The following OR51B5 variants were observed in gnomAD, a reference collection of about 807,000 sequenced individuals.
The protein encoded by OR51B5 is olfactory receptor 51B5.
For missense variants in OR51B5, 456 were observed against 374.6 expected, an observed-to-expected ratio of 1.22 and a Z score of -1.79; for synonymous variants, 186 against 144.8, an observed-to-expected ratio of 1.28 and a Z score of -2.04.
At chr11:5,492,060 C>T (rs1334074990) in intron 1 of OR51B5, among the ~76,000 whole-genome samples, 1 of 152,132 alleles carries the variant, frequency 6.6e-6, no homozygotes, top group Non-Finnish European at 1.5e-5. Flanking sequence ...CCTTTATCCC[C>T]AAGTCTAGCT....
At chr11:5,454,028 G>A (rs1342656358) in intron 1 of OR51B5, 1 of 1,613,914 alleles carries the variant, frequency 6.2e-7, no homozygotes, top group Non-Finnish European at 8.5e-7. Flanking sequence ...CCTACTGCCT[G>A]CACCCAGACA....
chr11:5,358,192 A>G (rs1849223775), intron 1 of OR51B5, among the ~76,000 whole-genome samples: 2 of 152,322 alleles, frequency 1.3e-5, no homozygotes, highest in East Asian at 1.9e-4. Context: ...CAAAAAATCA[A>G]TGAATCCAGA....
intron 1 of OR51B5, among the ~76,000 whole-genome samples, chr11:5,419,037 T>A (rs541445733): frequency 6.6e-6 from 1 of 152,288 alleles, no homozygotes; most frequent in South Asian, 2.1e-4. Flanking sequence ...GAATTCTATA[T>A]CCTAGTATGA....
intron 1 of OR51B5, among the ~76,000 whole-genome samples, chr11:5,447,937 C>A (rs1850792494): frequency 1.3e-5 from 2 of 152,166 alleles, no homozygotes; most frequent in Admixed American, 1.3e-4. Context: ...TCATAGGGAA[C>A]CTCTCTTCTG....
chr11:5,358,986 A>T (rs1589952565), intron 1 of OR51B5, among the ~76,000 whole-genome samples: 2 of 151,868 alleles, frequency 1.3e-5, no homozygotes, highest in African/African-American at 4.8e-5. Context: ...TATTGATGGG[A>T]CGTATCTCAA....
In OR51B5 at chr11:5,404,057, T is replaced by G. The variant is rs529906548; in HGVS notation, n.85-57147A>C. On this transcript the variant is annotated intron_variant and non_coding_transcript_variant, in intron 1 of 4. Transcript: ENST00000415970. Reference sequence around the variant, plus strand: ...TCACCAAGGCCCCAACTTGGAAGTCTTGAAGACTACAAATCTTGTTTATTA... The same window carrying G: ...TCACCAAGGCCCCAACTTGGAAGTCGTGAAGACTACAAATCTTGTTTATTA... 4.7e-4 allele frequency among the ~76,000 whole-genome samples: 72 copies of G among 151,650 alleles called. 3 individuals are homozygous for G. The South Asian group carries it at 0.014, about 29-fold the overall frequency.
At chr11:5,402,586 G>A (rs1849987236) in intron 1 of OR51B5, 1 of 465,512 alleles carries the variant, frequency 2.1e-6, no homozygotes, top group Non-Finnish European at 4.5e-6. Context: ...CCCTGAGGAT[G>A]ATATGTCAAC....
chr11:5,399,520 T>G (rs1012478369), intron 1 of OR51B5, among the ~76,000 whole-genome samples: 2 of 152,146 alleles, frequency 1.3e-5, no homozygotes, highest in African/African-American at 4.8e-5. Flanking sequence ...AAGATTCACC[T>G]CCAATTCTGT....
intron 1 of OR51B5, among the ~76,000 whole-genome samples, chr11:5,460,750 T>C (rs1025882676): frequency 7.9e-5 from 12 of 152,230 alleles, no homozygotes; most frequent in African/African-American, 2.2e-4. Context: ...CAACAGGGCT[T>C]TTGCTTTCAT....
At chr11:5,416,798 A>G (rs1169486558) in intron 1 of OR51B5, among the ~76,000 whole-genome samples, 1 of 151,046 alleles carries the variant, frequency 6.6e-6, no homozygotes, top group Non-Finnish European at 1.5e-5. Flanking sequence ...AAATGGAAGA[A>G]CATTCCATGC....
rs776940989 is a variant in OR51B5, at chr11:5,441,145, G to A, written n.84+64424C>T. 7 of 1,613,884 alleles carry A rather than the reference G, an allele frequency of 4.3e-6. 1 individual carries two copies. The highest frequency in any genetic ancestry group is 3.3e-5 in the South Asian group (3 of 91,088). On this transcript the variant is annotated intron_variant and non_coding_transcript_variant, in intron 1 of 4. Coordinates refer to the OR51B5 transcript ENST00000415970. ...AATGGATAACAAATAGCCACAAAGC[G>A]ATCCAAGCTCATGGCCAGCAGTATG... is the stretch of plus-strand genomic sequence containing the variant.
At position 5,488,813 on chromosome 11, in the gene OR51B5, C is replaced by T. The variant is rs758988865; in HGVS notation, n.84+16756G>A. 8 of 1,614,054 alleles carry T rather than the reference C, an allele frequency of 5.0e-6. No homozygotes were observed. The South Asian group carries it at 8.8e-5, about 18-fold the overall frequency. ...TTCTGGATTGCCATCCCTTTCTGTG[C>T]CATGTATCTTGTAGCACTGGTTGGA... is the stretch of plus-strand genomic sequence containing the variant. On this transcript the variant is annotated intron_variant and non_coding_transcript_variant, in intron 1 of 4. Coordinates refer to the OR51B5 transcript ENST00000415970.
chr11:5,478,246 G>A (rs1219600340), intron 1 of OR51B5, among the ~76,000 whole-genome samples: 3 of 151,962 alleles, frequency 2.0e-5, no homozygotes, highest in Admixed American at 6.6e-5. Context: ...CCCCAGCAGG[G>A]GCATACTGAC....
At position 5,343,479 on chromosome 11, in the gene OR51B5, G is replaced by GA. The variant is rs775093256; in HGVS notation, c.45dup (p.Pro16SerfsTer33). 1.4e-6 allele frequency: 2 copies of GA among 1,457,454 alleles called. No homozygotes were observed. The highest frequency in any genetic ancestry group is 1.7e-5 in the Admixed American group (1 of 58,168). 90.3% of individuals were successfully genotyped at this position (1,457,454 alleles called of 1,614,324 possible). On this transcript the variant is annotated frameshift_variant, in exon 1 of 1. Transcript: ENST00000300773. LOFTEE classifies it low-confidence loss of function (END_TRUNC). ...CAGTGATGAGCTTCCTCCAAGCCTG[G>GA]AAAACCAGTCAATAGGAAGGGATGG...
rs535686843 is a variant in OR51B5, at chr11:5,421,474, T to G, written n.85-74564A>C. On this transcript the variant is annotated intron_variant and non_coding_transcript_variant, in intron 1 of 4. Transcript: ENST00000415970. ...AGCAGTGCCTAAATGTAGATAGTAC[T>G]CAATAAATGTGATTGTCTTCACCTG... Among the ~76,000 whole-genome samples the G allele has an allele frequency of 4.9e-4, 75 of 152,382 alleles. 3 individuals carry two copies. The South Asian group carries it at 0.014, about 28-fold the overall frequency.
chr11:5,343,098 C>G, exon 1 of OR51B5: 1 of 1,613,180 alleles, frequency 6.2e-7, no homozygotes, highest in Non-Finnish European at 8.5e-7. Context: ...ACTCCCAGCC[C>G]AATCTTCACT....
intron 1 of OR51B5, among the ~76,000 whole-genome samples, chr11:5,465,691 AAAAC>A (rs560824229): frequency 7.0e-6 from 1 of 142,712 alleles, no homozygotes; most frequent in Non-Finnish European, 1.5e-5. Flanking sequence ...AAACCTGAGA[AAAAC>A]AAGCAATGGA....
intron 1 of OR51B5, among the ~76,000 whole-genome samples, chr11:5,385,952 A>ATG (rs1315684414): frequency 6.7e-6 from 1 of 149,380 alleles, no homozygotes; most frequent in Non-Finnish European, 1.5e-5. Flanking sequence ...TTCTATATAT[A>ATG]TATCAATAAG....
chr11:5,403,698 G>C (rs1850011305), intron 1 of OR51B5, among the ~76,000 whole-genome samples: 1 of 152,200 alleles, frequency 6.6e-6, no homozygotes, highest in Non-Finnish European at 1.5e-5. Flanking sequence ...GAACTGAGGT[G>C]AGGGTGCAGG....
Sources: allele counts gnomAD v4.1 joint callset (sites outside exome capture counted in the v4.1 genomes callset), GRCh38; gene constraint gnomAD v4.1.1; transcripts MANE v1.5; gene names NCBI Gene and HGNC (gene_info 2026-07-23, HGNC 2026-07-21).